DENND1A: variants seen among roughly 807,000 people sequenced by gnomAD.
The protein encoded by DENND1A is DENN domain-containing protein 1A.
Under a neutral mutation model 113.7 loss-of-function variants are expected in DENND1A, and 51 were observed. That is an observed-to-expected ratio of 0.45 (90% CI 0.36 to 0.57). DENND1A has a LOEUF of 0.57. Among genes scored for constraint, DENND1A ranks in the 20% least tolerant of loss-of-function variants. The pLI, the probability that DENND1A is intolerant of heterozygous loss-of-function variation, is 0.00. For missense variants in DENND1A, 1,258 were observed against 1,395.9 expected (o/e 0.90, Z 1.57); for synonymous variants, 565 against 570.8 (o/e 0.99, Z 0.14).
chr9:123,466,929 T>A (rs2049005206), intron 13 of DENND1A, among the ~76,000 whole-genome samples: 1 of 151,148 alleles, frequency 6.6e-6, no homozygotes, highest in Admixed American at 6.6e-5. Context: ...CTCAAGTCTG[T>A]CATGCCAGCT....
intron 4 of DENND1A, among the ~76,000 whole-genome samples, chr9:123,767,188 C>G (rs73667920): frequency 6.6e-6 from 1 of 152,022 alleles, no homozygotes; most frequent in South Asian, 2.1e-4. Flanking sequence ...GAACTTTATT[C>G]ATTATTATTA....
intron 19 of DENND1A, among the ~76,000 whole-genome samples, chr9:123,421,049 G>A: frequency 6.7e-6 from 1 of 148,310 alleles, no homozygotes; most frequent in South Asian, 2.3e-4. Context: ...AGAAGCAGGA[G>A]GCAGGCGCCT....
intron 19 of DENND1A, among the ~76,000 whole-genome samples, chr9:123,418,337 C>T (rs977972889): frequency 6.6e-6 from 1 of 152,196 alleles, no homozygotes; most frequent in Non-Finnish European, 1.5e-5. Flanking sequence ...CTCTGCCTGG[C>T]CCTCGGCATC....
At chr9:123,701,147 C>T (rs1353998985) in intron 5 of DENND1A, among the ~76,000 whole-genome samples, 1 of 152,162 alleles carries the variant, frequency 6.6e-6, no homozygotes, top group Non-Finnish European at 1.5e-5. Flanking sequence ...AGAGATTTCA[C>T]AGAACACAAA....
chr9:123,722,852 G>A (rs2067438610), intron 5 of DENND1A, among the ~76,000 whole-genome samples: 1 of 152,254 alleles, frequency 6.6e-6, no homozygotes, highest in African/African-American at 2.4e-5. Context: ...GTGCAGAAGG[G>A]AAATGTGGGT....
chr9:123,872,467 C>T (rs940894108), intron 2 of DENND1A, among the ~76,000 whole-genome samples: 6 of 152,006 alleles, frequency 3.9e-5, no homozygotes, highest in African/African-American at 1.4e-4. Context: ...GTGAGGAAAA[C>T]ACATATAGCT....
intron 22 of DENND1A, among the ~76,000 whole-genome samples, chr9:123,385,853 C>T (rs115381830): frequency 0.016 from 2,445 of 152,282 alleles, 46 homozygotes; most frequent in African/African-American, 0.039. Flanking sequence ...ATTAGAGACC[C>T]TTTAATAAAG....
At chr9:123,713,715 CCTGAAATTCACACTATG>C (rs1178926598) in intron 5 of DENND1A, among the ~76,000 whole-genome samples, 1 of 152,002 alleles carries the variant, frequency 6.6e-6, no homozygotes, top group East Asian at 1.9e-4. Flanking sequence ...ACTAGACTCT[CCTGAAATTCACACTATG>C]TTGATAATTC....
intron 2 of DENND1A, among the ~76,000 whole-genome samples, chr9:123,818,369 G>T (rs913967799): frequency 2.6e-5 from 4 of 152,062 alleles, no homozygotes; most frequent in Admixed American, 1.3e-4. Flanking sequence ...CTCTCAAAGT[G>T]CTGGGATTAC....
chr9:123,646,219 G>T (rs988552845), intron 9 of DENND1A, among the ~76,000 whole-genome samples: 1 of 152,186 alleles, frequency 6.6e-6, no homozygotes, highest in African/African-American at 2.4e-5. Context: ...TTACTTCAAA[G>T]GAGGTCACTG....
At chr9:123,493,130 G>C (rs2051534751) in intron 13 of DENND1A, 1 of 152,400 alleles carries the variant, frequency 6.6e-6, no homozygotes, top group Non-Finnish European at 1.5e-5. Context: ...CCTTGCAAGA[G>C]CTGATCCTCA....
In DENND1A at chr9:123,382,237, C is replaced by T. The variant is rs143737492; in HGVS notation, c.2408G>A (p.Arg803Gln). ...GDVSERLQTDRDRRAALSPGL... is the reference protein window; with the variant it reads ...GDVSERLQTDQDRRAALSPGL... ...TGGACTCAGGGCAGCTCGCCTGTCC[C>T]GATCCGTCTGCAGCCGCTCTGAGAC... Residue 803 changes from arginine (R) to glutamine (Q), a missense_variant, in exon 24 of 24, where the codon CGG (arginine) becomes CAG (glutamine). Transcript: ENST00000394215. 1.3e-4 allele frequency: 215 copies of T among 1,609,502 alleles called. 1 individual carries two copies. The African/African-American group carries it at 1.7e-3, about 13-fold the overall frequency.
chr9:123,481,026 T>C (rs1340342480), intron 13 of DENND1A, among the ~76,000 whole-genome samples: 3 of 152,264 alleles, frequency 2.0e-5, no homozygotes, highest in African/African-American at 7.2e-5. Context: ...TTTTTTTTTC[T>C]TATTGGAAAC....
intron 13 of DENND1A, among the ~76,000 whole-genome samples, chr9:123,537,412 A>C (rs2055867607): frequency 6.6e-6 from 1 of 152,004 alleles, no homozygotes; most frequent in African/African-American, 2.4e-5. Context: ...ATAAAGAGAT[A>C]AAAGAGATTT....
At chr9:123,398,640 G>C (rs1472241701) in intron 21 of DENND1A, among the ~76,000 whole-genome samples, 2 of 151,932 alleles carry the variant, frequency 1.3e-5, no homozygotes, top group Non-Finnish European at 2.9e-5. Flanking sequence ...GCCTCCCAAA[G>C]TGCTGGGATA....
chr9:123,782,875 C>G lies in DENND1A; in HGVS notation c.132+9712G>C, dbSNP rs567492085. On this transcript the variant is annotated intron_variant, in intron 3 of 23. Coordinates refer to ENST00000394215, the MANE Select transcript of DENND1A (RefSeq NM_001352964.2). ...ACCTACCAACCCCCAGCTCCCCCCG[C>G]TCACATACACATACATACATATATT... Among the ~76,000 whole-genome samples, 12 of 151,856 alleles carry G rather than the reference C, an allele frequency of 7.9e-5. No individual in the cohort carries two copies. In the South Asian group the frequency reaches 1.9e-3, roughly 24 times the overall value.
intron 1 of DENND1A, among the ~76,000 whole-genome samples, chr9:123,883,414 C>T (rs888206842): frequency 6.6e-6 from 1 of 152,156 alleles, no homozygotes; most frequent in Admixed American, 6.5e-5. Context: ...TGTGATCATC[C>T]AGTTCCACGA....
At chr9:123,658,835 G>A (rs943636374) in intron 8 of DENND1A, among the ~76,000 whole-genome samples, 3 of 152,124 alleles carry the variant, frequency 2.0e-5, no homozygotes, top group East Asian at 1.9e-4. Flanking sequence ...TTTACCAAAC[G>A]TTCATTCAAT....
intron 5 of DENND1A, among the ~76,000 whole-genome samples, chr9:123,699,337 T>G (rs902768390): frequency 1.3e-5 from 2 of 152,124 alleles, no homozygotes; most frequent in Non-Finnish European, 2.9e-5. Flanking sequence ...GCAAATCCAG[T>G]AAAAAGGTTT....
Sources: gnomAD v4.1 joint callset for allele counts (sites outside exome capture counted in the v4.1 genomes callset) on GRCh38, gnomAD v4.1.1 for gene constraint, MANE v1.5 for transcripts, NCBI Gene and HGNC (gene_info 2026-07-23, HGNC 2026-07-21) for gene names.